Variants in TACC2 observed in about 807,000 individuals in gnomAD.
TACC2 encodes the protein transforming acidic coiled-coil containing protein 2.
TACC2 carries 137 observed loss-of-function variants against 227.3 expected under a neutral mutation model. That is an observed-to-expected ratio of 0.60 (90% CI 0.52 to 0.69). The LOEUF (loss-of-function observed/expected upper bound fraction) is 0.69. TACC2 is among the 30% of genes least tolerant of loss of function. TACC2 has a pLI of 0.00. For missense variants in TACC2, 3,470 were observed against 3,694.4 expected (o/e 0.94, Z 1.57); for synonymous variants, 1,523 against 1,487.5 (o/e 1.02, Z -0.55).
chr10:122,062,542 G>T (rs1438853315), intron 3 of TACC2, among the ~76,000 whole-genome samples: 4 of 145,642 alleles, frequency 2.7e-5, no homozygotes, highest in African/African-American at 1.0e-4. Flanking sequence ...TCGAACTCCC[G>T]ACCTTAGGTG....
chr10:122,008,266 T>TATTATTATTA (rs1554958022), intron 1 of TACC2, among the ~76,000 whole-genome samples: 1 of 139,792 alleles, frequency 7.2e-6, no homozygotes, highest in African/African-American at 2.7e-5. Flanking sequence ...TTATTATTAT[T>TATTATTATTA]TTTTTTTTTT....
intron 7 of TACC2, among the ~76,000 whole-genome samples, chr10:122,159,834 C>G (rs544586406): frequency 6.6e-6 from 1 of 152,098 alleles, no homozygotes; most frequent in Non-Finnish European, 1.5e-5. Context: ...ATTAGCAGCT[C>G]GGGGTCCATT....
In TACC2 at chr10:122,254,427, C is replaced by T. The variant is rs1240327071; in HGVS notation, c.*371C>T. ...GTACAGCGTGCATAGGGACTCTTGC[C>T]TTAAGGAGTGTAAACTTGATCTGCA... On this transcript the variant is annotated 3_prime_UTR_variant, in exon 23 of 23. Transcript: ENST00000369005. The T allele has an allele frequency of 5.2e-6, 1 of 191,792 alleles. No homozygotes were observed. The highest frequency in any genetic ancestry group is 6.0e-5 in the Admixed American group (1 of 16,624). 11.9% of individuals were successfully genotyped at this position (191,792 alleles called of 1,614,324 possible). A position where few individuals can be genotyped will look rare whatever the true frequency, so the allele number is the denominator to read the frequency against.
chr10:122,068,413 C>T (rs958648277), intron 3 of TACC2, among the ~76,000 whole-genome samples: 2 of 152,064 alleles, frequency 1.3e-5, no homozygotes, highest in Admixed American at 6.6e-5. Context: ...TGGATATTTT[C>T]GTATTCCTAT....
intron 1 of TACC2, among the ~76,000 whole-genome samples, chr10:122,000,812 GTTGTT>G (rs973325143): frequency 4.6e-5 from 7 of 151,858 alleles, no homozygotes; most frequent in Non-Finnish European, 8.8e-5. Context: ...GTTTTTTGTT[GTTGTT>G]TTGTTTGTTT....
intron 7 of TACC2, among the ~76,000 whole-genome samples, chr10:122,159,944 AG>A (rs1329662108): frequency 6.6e-6 from 1 of 152,090 alleles, no homozygotes; most frequent in Admixed American, 6.5e-5. Context: ...GGGGTGTCAG[AG>A]GGGTCTCAAA....
At chr10:122,015,531 A>C (rs1257113572) in intron 1 of TACC2, among the ~76,000 whole-genome samples, 2 of 151,280 alleles carry the variant, frequency 1.3e-5, no homozygotes, top group Non-Finnish European at 2.9e-5. Flanking sequence ...AAACAAAAAA[A>C]CTCAATGTTT....
At chr10:122,161,796 G>C (rs1321314982) in intron 7 of TACC2, among the ~76,000 whole-genome samples, 1 of 152,254 alleles carries the variant, frequency 6.6e-6, no homozygotes, top group Admixed American at 6.5e-5. Context: ...TAGGTGCCCA[G>C]GGAAAGGGCC....
At chr10:122,022,087 C>A in intron 2 of TACC2, 73 bp downstream of exon 2, 1 of 1,486,638 alleles carries the variant, frequency 6.7e-7, no homozygotes, top group Non-Finnish European at 9.4e-7. Context: ...CTTTTTACAG[C>A]GTCTCATCTT....
rs1392424146 is a variant in TACC2 at position 122,201,252 on chromosome 10, ACGGCCACC to A, written c.5971+6077_5971+6084del. On this transcript the variant is annotated intron_variant, in intron 8 of 22. Transcript: ENST00000369005. ...CAGTGGCCACATCTACAGTGAGAGG[ACGGCCACC>A]TCACCTGCCCACAGTGGCTGCGTTC... 4.2e-5 allele frequency among the ~76,000 whole-genome samples: 5 copies of A among 118,796 alleles called. 1 individual carries two copies. Among genetic ancestry groups the A allele is most frequent in the Admixed American group, 3.7e-4 (4 of 10,724 alleles). 77.9% of individuals were successfully genotyped at this position (118,796 alleles called of 152,430 possible). A position where few individuals can be genotyped will look rare whatever the true frequency, so the allele number is the denominator to read the frequency against.
At chr10:122,059,359 C>T (rs1015799636) in intron 3 of TACC2, among the ~76,000 whole-genome samples, 2 of 151,908 alleles carry the variant, frequency 1.3e-5, no homozygotes, top group African/African-American at 2.4e-5. Context: ...CCCCCTCCCC[C>T]CTTGAAGAGT....
chr10:122,084,387 C>G lies in TACC2; in HGVS notation c.1887C>G (p.Ser629Arg). ...SSDAESRDHPSSHSAQPPRKG... is the reference protein window; with the variant it reads ...SSDAESRDHPRSHSAQPPRKG... ...ATGCAGAGAGCAGAGACCATCCCAG[C>G]TCACACTCAGCACAGCCACCCAGAA... Residue 629 changes from serine (S) to arginine (R), a missense_variant, in exon 4 of 23, where the codon AGC becomes AGG. By Grantham distance (110) the Ser-to-Arg change is moderately radical. Around this residue, in one of 10 missense-constraint regions of TACC2, gnomAD observed 1,924 missense variants for 1,978.3 expected, o/e 0.97. Transcript: ENST00000369005. 1 of 1,613,344 alleles carries G rather than the reference C, an allele frequency of 6.2e-7. No individual in the cohort carries two copies. The highest frequency in any genetic ancestry group is 8.5e-7 in the Non-Finnish European group (1 of 1,180,044).
rs548804869 is a variant in TACC2, at chr10:122,049,838, T to C, written c.34-600T>C. 3.3e-5 allele frequency among the ~76,000 whole-genome samples: 5 copies of C among 152,278 alleles called. No homozygotes were observed. The South Asian group carries it at 8.3e-4, about 25-fold the overall frequency. ...AAAAATCAACTAGTCTGTAGGAATA[T>C]GGTTTATAAAAACAACAACAACAAA... is the stretch of plus-strand genomic sequence containing the variant. On this transcript the variant is annotated intron_variant, in intron 2 of 22. Coordinates refer to ENST00000369005, the MANE Select transcript of TACC2 (RefSeq NM_206862.4).
intron 2 of TACC2, among the ~76,000 whole-genome samples, chr10:122,025,548 A>G (rs1957880239): frequency 1.3e-5 from 2 of 150,752 alleles, no homozygotes; most frequent in Non-Finnish European, 1.5e-5. Context: ...GGCTTGAGCC[A>G]CTGCACCCGG....
chr10:122,010,044 T>C (rs951105447), intron 1 of TACC2, among the ~76,000 whole-genome samples: 3 of 152,350 alleles, frequency 2.0e-5, no homozygotes, highest in Admixed American at 6.5e-5. Context: ...CAAAGTCCTA[T>C]GATGTCACAT....
Position 122,100,309 on chromosome 10 carries a change from C to T in TACC2, c.5573+11718C>T, listed in dbSNP as rs1160449749. Among the ~76,000 whole-genome samples, 6 of 151,820 alleles carry T rather than the reference C, an allele frequency of 4.0e-5. No individual in the cohort carries two copies. The East Asian group carries it at 1.2e-3, about 29-fold the overall frequency. ...TCTCTTTGCATTCTGCATTTGGGGA[C>T]TGTGACTGAGTCTAAGAGGAAAGCT... On this transcript the variant is annotated intron_variant, in intron 5 of 22. Coordinates refer to ENST00000369005, the MANE Select transcript of TACC2 (RefSeq NM_206862.4).
chr10:122,185,979 G>A (rs1301331789), intron 7 of TACC2, among the ~76,000 whole-genome samples: 2 of 152,078 alleles, frequency 1.3e-5, no homozygotes, highest in Non-Finnish European at 2.9e-5. Flanking sequence ...TGCCCAGGCC[G>A]GAGTGCAGTG....
At chr10:122,041,143 C>T (rs1281883806) in intron 2 of TACC2, among the ~76,000 whole-genome samples, 1 of 152,160 alleles carries the variant, frequency 6.6e-6, no homozygotes, top group Admixed American at 6.5e-5. Flanking sequence ...GTTGCTCAGG[C>T]GCTGTGTGGT....
intron 5 of TACC2, among the ~76,000 whole-genome samples, chr10:122,132,071 A>G (rs536272750): frequency 0.11 from 15,087 of 141,724 alleles, 1,419 homozygotes; most frequent in African/African-American, 0.2. Flanking sequence ...AAAGAAAAAG[A>G]AAGAAAGAAA....
Sources: allele counts gnomAD v4.1 joint callset (sites outside exome capture counted in the v4.1 genomes callset), GRCh38; gene constraint gnomAD v4.1.1; regional missense constraint gnomAD v4.1.1; transcripts MANE v1.5; gene names NCBI Gene and HGNC (gene_info 2026-07-23, HGNC 2026-07-21).